Variants in ARVCF observed in about 807,000 individuals in gnomAD.
ARVCF encodes the protein splicing regulator ARVCF.
ARVCF carries 66 observed loss-of-function variants against 90.9 expected under a neutral mutation model. That is an observed-to-expected ratio of 0.73 (90% CI 0.60 to 0.89). The LOEUF (loss-of-function observed/expected upper bound fraction) is 0.89. Among genes scored for constraint, ARVCF ranks in the 40% least tolerant of loss-of-function variants. ARVCF has a pLI of 0.00. For missense variants in ARVCF, 1,469 were observed against 1,382.3 expected, an observed-to-expected ratio of 1.06 and a Z score of -1.00; for synonymous variants, 653 against 603.4, an observed-to-expected ratio of 1.08 and a Z score of -1.21.
At chr22:19,973,572 C>T (rs1414931423) in intron 13 of ARVCF, 71 bp downstream of exon 13, 11 of 1,541,198 alleles carry the variant, frequency 7.1e-6, no homozygotes, top group Non-Finnish European at 9.6e-6. Flanking sequence ...ATCCTCCAAG[C>T]CCCTCCGATG....
At chr22:19,974,261 C>T in intron 11 of ARVCF, 22 bp from the exon 12 acceptor site, 1 of 1,582,362 alleles carries the variant, frequency 6.3e-7, no homozygotes, top group Non-Finnish European at 8.6e-7. Context: ...GCAACCGCCA[C>T]CCACGGTCAC....
rs774826034 is a variant in ARVCF at position 19,977,940 on chromosome 22, G to A, written c.1698+18C>T. ...TCTCTCCAGCCCTTGGTATGAGGCTGTGACCGTCCCTGCCCACCTTGTTGT... is the reference window on the plus strand; with the variant it reads ...TCTCTCCAGCCCTTGGTATGAGGCTATGACCGTCCCTGCCCACCTTGTTGT... On this transcript the variant is annotated intron_variant, in intron 8 of 19. Coordinates refer to ENST00000263207, the MANE Select transcript of ARVCF (RefSeq NM_001670.3). 3.8e-6 allele frequency: 6 copies of A among 1,591,418 alleles called. No homozygotes were observed. Among genetic ancestry groups the A allele is most frequent in the Non-Finnish European group, 5.1e-6 (6 of 1,167,942 alleles).
At chr22:19,984,580 A>G (rs1366718608) in intron 3 of ARVCF, among the ~76,000 whole-genome samples, 1 of 152,202 alleles carries the variant, frequency 6.6e-6, no homozygotes, top group Non-Finnish European at 1.5e-5. Flanking sequence ...ACACACATGC[A>G]TATACATGAC....
chr22:19,990,526 C>T (rs1299000226), intron 3 of ARVCF, 59 bp downstream of exon 3: 15 of 1,529,384 alleles, frequency 9.8e-6, no homozygotes, highest in South Asian at 1.2e-5. Context: ...TCCACCAGGA[C>T]CCACTGATTG....
intron 3 of ARVCF, chr22:19,987,001 CG>C: frequency 1.6e-6 from 1 of 640,116 alleles, no homozygotes. Flanking sequence ...CGGGTCCTCC[CG>C]GGCAGGCCGA....
chr22:19,972,015 G>A, intron 17 of ARVCF, 44 bp from the exon 18 acceptor site: 1 of 1,523,352 alleles, frequency 6.6e-7, no homozygotes, highest in East Asian at 2.3e-5. Context: ...CTCTGAGGGA[G>A]GCCCTGTAGG....
rs1942657349 is a variant in ARVCF, at chr22:19,970,002, T to C, written c.*754A>G. The C allele has an allele frequency of 1.0e-6, 1 of 985,062 alleles. No homozygotes were observed. The highest frequency in any genetic ancestry group is 6.1e-5 in the Admixed American group (1 of 16,286). The allele number at this position is 985,062 out of a possible 1,614,324, so 61.0% of individuals were successfully genotyped here. A position where few individuals can be genotyped will look rare whatever the true frequency, so the allele number is the denominator to read the frequency against. On this transcript the variant is annotated 3_prime_UTR_variant, in exon 20 of 20. Coordinates refer to ENST00000263207, the MANE Select transcript of ARVCF (RefSeq NM_001670.3). ...GCTTTTTCTCAGTGTTTTTCTTCTGTTTCTGAGTCACGAACAGCAGGCACT... is the reference window on the plus strand; with the variant it reads ...GCTTTTTCTCAGTGTTTTTCTTCTGCTTCTGAGTCACGAACAGCAGGCACT...
At chr22:19,966,611 A>T (rs1176376612), downstream of ARVCF, among the ~76,000 whole-genome samples, 23 of 151,812 alleles carry the variant, frequency 1.5e-4, no homozygotes, top group Admixed American at 1.5e-3. Flanking sequence ...TGGCTAATTT[A>T]AAAATTTTTT....
intron 19 of ARVCF, 110 bp from the exon 20 acceptor site, chr22:19,970,853 G>A: frequency 1.6e-6 from 2 of 1,244,812 alleles, no homozygotes; most frequent in Non-Finnish European, 2.1e-6. Flanking sequence ...TGGAGATGTG[G>A]ATAGAAGCAT....
intron 13 of ARVCF, 93 bp downstream of exon 13, chr22:19,973,550 C>G (rs1172923721): frequency 6.6e-7 from 1 of 1,519,482 alleles, no homozygotes; most frequent in East Asian, 2.3e-5. Context: ...GGCCTGGACT[C>G]CCAAACCACT....
At chr22:19,993,075 T>G (rs1569181107) in intron 2 of ARVCF, among the ~76,000 whole-genome samples, 1 of 152,132 alleles carries the variant, frequency 6.6e-6, no homozygotes, top group African/African-American at 2.4e-5. Flanking sequence ...GCAGCCATGC[T>G]CAGGAGAGCA....
At chr22:19,968,741 C>CT, downstream of ARVCF, 1 of 1,608,456 alleles carries the variant, frequency 6.2e-7, no homozygotes, top group Non-Finnish European at 8.5e-7. Context: ...CCCTGACTGC[C>CT]CCCCCGGCCC....
chr22:19,992,860 CCTGGCT>C (rs1432522902), intron 2 of ARVCF, among the ~76,000 whole-genome samples: 1 of 152,208 alleles, frequency 6.6e-6, no homozygotes, highest in African/African-American at 2.4e-5. Flanking sequence ...TCCAGCACAC[CCTGGCT>C]CTGGGGACTA....
chr22:20,001,522 G>T (rs541014975), intron 2 of ARVCF, among the ~76,000 whole-genome samples: 1 of 152,340 alleles, frequency 6.6e-6, no homozygotes, highest in African/African-American at 2.4e-5. Context: ...AGGAGCTGCT[G>T]GCTGGGCACG....
At chr22:19,981,069 C>T (rs1047800957) in intron 5 of ARVCF, 142 bp downstream of exon 5, 3 of 1,150,120 alleles carry the variant, frequency 2.6e-6, no homozygotes, top group Admixed American at 3.1e-5. Context: ...TTCTTCTGTC[C>T]CTGACGAGAG....
At chr22:20,001,890 T>G (rs973242970) in intron 2 of ARVCF, among the ~76,000 whole-genome samples, 1 of 152,176 alleles carries the variant, frequency 6.6e-6, no homozygotes, top group African/African-American at 2.4e-5. Context: ...AACAGCAGAC[T>G]GTAGAAAACA....
At chr22:19,969,025 T>C (rs1479540978), downstream of ARVCF, 2 of 306,488 alleles carry the variant, frequency 6.5e-6, no homozygotes, top group East Asian at 7.9e-5. Flanking sequence ...AATATTTAGA[T>C]ATAACTCGAC....
rs1224134023 is a variant in ARVCF, at chr22:19,979,094, T to C, written c.1397-14A>G. 11 of 1,608,768 alleles carry C rather than the reference T, an allele frequency of 6.8e-6. No individual in the cohort carries two copies. Among genetic ancestry groups the C allele is most frequent in the East Asian group, 4.5e-5 (2 of 44,762 alleles). On this transcript the variant is annotated splice_polypyrimidine_tract_variant and intron_variant, in intron 6 of 19. Transcript: ENST00000263207. ...TCCACAGGGTGCCTGTGGGGTGCGA[T>C]TGGCCAATCTGTGCTGACCATATGC...
chr22:19,997,392 G>T (rs1944293004), intron 2 of ARVCF, among the ~76,000 whole-genome samples: 1 of 152,192 alleles, frequency 6.6e-6, no homozygotes, highest in African/African-American at 2.4e-5. Flanking sequence ...TCTCAATCCA[G>T]CAGGTCACAG....
Sources: allele counts gnomAD v4.1 joint callset (sites outside exome capture counted in the v4.1 genomes callset), GRCh38; gene constraint gnomAD v4.1.1; transcripts MANE v1.5; gene names NCBI Gene and HGNC (gene_info 2026-07-23, HGNC 2026-07-21).